Variants in SMYD3 observed in about 807,000 individuals in gnomAD.
SMYD3 encodes the protein histone-lysine N-methyltransferase SMYD3.
SMYD3 carries 36 observed loss-of-function variants against 57.7 expected under a neutral mutation model. The observed-to-expected ratio is 0.62, with a 90% CI of 0.48 to 0.82. The LOEUF (loss-of-function observed/expected upper bound fraction) is 0.82. SMYD3 is among the 40% of genes least tolerant of loss of function. The pLI is 0.00. For missense variants in SMYD3, 515 were observed against 538.8 expected (o/e 0.96, Z 0.44); for synonymous variants, 211 against 195.0 (o/e 1.08, Z -0.68).
intron 2 of SMYD3, among the ~76,000 whole-genome samples, chr1:246,338,073 A>T (rs187191405): frequency 6.6e-6 from 1 of 152,370 alleles, no homozygotes; most frequent in Admixed American, 6.5e-5. Flanking sequence ...TTCAGCAAAA[A>T]TATGTTCATT....
chr1:245,863,931 G>A (rs1415154084), intron 8 of SMYD3, 45 bp from the exon 9 acceptor site: 1 of 1,566,674 alleles, frequency 6.4e-7, no homozygotes, highest in Non-Finnish European at 8.8e-7. Context: ...ATTAGTAATA[G>A]GCAAAGGACG....
chr1:245,901,723 G>C (rs1428585596), intron 8 of SMYD3, among the ~76,000 whole-genome samples: 1 of 152,192 alleles, frequency 6.6e-6, no homozygotes, highest in African/African-American at 2.4e-5. Context: ...ATGGAATTCA[G>C]CACAAAAGGG....
chr1:246,425,421 C>T lies in SMYD3; in HGVS notation c.165-70327G>A, dbSNP rs189454876. Among the ~76,000 whole-genome samples, 140 of 152,260 alleles carry T rather than the reference C, an allele frequency of 9.2e-4. 1 individual carries two copies. The highest frequency in any genetic ancestry group is 3.1e-3 in the African/African-American group (130 of 41,552). On this transcript the variant is annotated intron_variant, in intron 1 of 11. Transcript: ENST00000490107. ...ATCTCCACAGCACAGATCCTTGGAACGCCACTGTAACATAAGCTCAGCACT... is the reference window on the plus strand; with the variant it reads ...ATCTCCACAGCACAGATCCTTGGAATGCCACTGTAACATAAGCTCAGCACT...
chr1:246,145,052 T>C (rs2061822093), intron 5 of SMYD3, among the ~76,000 whole-genome samples: 1 of 152,180 alleles, frequency 6.6e-6, no homozygotes, highest in Non-Finnish European at 1.5e-5. Flanking sequence ...TCTCACTGTG[T>C]TGCTCAGGCT....
intron 5 of SMYD3, among the ~76,000 whole-genome samples, chr1:246,066,668 C>G (rs1354036710): frequency 6.6e-6 from 1 of 152,152 alleles, no homozygotes; most frequent in Non-Finnish European, 1.5e-5. Context: ...TTTTAAAATC[C>G]TTGCTAATTG....
intron 1 of SMYD3, among the ~76,000 whole-genome samples, chr1:246,369,834 A>G (rs1398878365): frequency 1.3e-5 from 2 of 152,144 alleles, no homozygotes; most frequent in African/African-American, 4.8e-5. Context: ...CACTGCACCC[A>G]GCCTGGGATT....
intron 5 of SMYD3, among the ~76,000 whole-genome samples, chr1:246,105,572 T>C (rs888621243): frequency 1.3e-5 from 2 of 152,164 alleles, no homozygotes; most frequent in Admixed American, 6.5e-5. Context: ...CTGAAATGTC[T>C]ACAATTTGGA....
At chr1:246,378,815 A>C (rs1336066256) in intron 1 of SMYD3, among the ~76,000 whole-genome samples, 34 of 115,380 alleles carry the variant, frequency 2.9e-4, no homozygotes, top group Non-Finnish European at 3.2e-4. Flanking sequence ...ATTATATATA[A>C]TATATTTATA....
chr1:245,920,610 T>G (rs1239845137), intron 7 of SMYD3, among the ~76,000 whole-genome samples: 2 of 152,160 alleles, frequency 1.3e-5, no homozygotes, highest in Non-Finnish European at 2.9e-5. Flanking sequence ...CTACCACTGT[T>G]ATCTCTTCCC....
At chr1:245,855,998 C>T (rs2051219993) in intron 10 of SMYD3, among the ~76,000 whole-genome samples, 1 of 152,238 alleles carries the variant, frequency 6.6e-6, no homozygotes, top group African/African-American at 2.4e-5. Context: ...GCAAAAGGCC[C>T]ACCTCCTGCG....
intron 5 of SMYD3, among the ~76,000 whole-genome samples, chr1:246,185,490 T>C (rs1308876480): frequency 7.7e-6 from 1 of 130,550 alleles, no homozygotes; most frequent in Non-Finnish European, 1.6e-5. Context: ...AGTTTTGCTC[T>C]GTCGCCCAGG....
chr1:246,251,312 A>G (rs2063794095), intron 5 of SMYD3, among the ~76,000 whole-genome samples: 1 of 152,252 alleles, frequency 6.6e-6, no homozygotes, highest in Non-Finnish European at 1.5e-5. Context: ...TGGAATATTC[A>G]CAGGTAAGCT....
chr1:245,991,332 A>T (rs1456815369), intron 5 of SMYD3, among the ~76,000 whole-genome samples: 1 of 152,220 alleles, frequency 6.6e-6, no homozygotes, highest in East Asian at 1.9e-4. Context: ...GCCACAGCTT[A>T]AAAGTTATGT....
chr1:245,828,737 T>C (rs1022912490), intron 10 of SMYD3, among the ~76,000 whole-genome samples: 1 of 150,936 alleles, frequency 6.6e-6, no homozygotes, highest in Non-Finnish European at 1.5e-5. Flanking sequence ...CAGGGTCTCA[T>C]GTCGCCCAGG....
chr1:245,876,456 A>T (rs2148532703), intron 8 of SMYD3, among the ~76,000 whole-genome samples: 1 of 152,314 alleles, frequency 6.6e-6, no homozygotes, highest in South Asian at 2.1e-4. Context: ...CATTGCTCCG[A>T]ATCTCTGCGA....
At chr1:246,138,640 T>C (rs1404518516) in intron 5 of SMYD3, among the ~76,000 whole-genome samples, 1 of 147,536 alleles carries the variant, frequency 6.8e-6, no homozygotes, top group Non-Finnish European at 1.5e-5. Flanking sequence ...TTAGCCAGGA[T>C]GGTCTCGATC....
chr1:245,840,167 C>G (rs1211246133), intron 10 of SMYD3, among the ~76,000 whole-genome samples: 4 of 151,840 alleles, frequency 2.6e-5, no homozygotes, highest in African/African-American at 4.8e-5. Context: ...AAACTTTTCC[C>G]AGAGCTAAAG....
At chr1:246,446,784 C>T (rs1287314103) in intron 1 of SMYD3, among the ~76,000 whole-genome samples, 2 of 152,208 alleles carry the variant, frequency 1.3e-5, no homozygotes, top group East Asian at 3.9e-4. Flanking sequence ...AATCCCAGCA[C>T]TTTGGGAGGC....
intron 5 of SMYD3, among the ~76,000 whole-genome samples, chr1:246,003,731 AAATTT>A (rs1340120803): frequency 6.6e-6 from 1 of 152,248 alleles, no homozygotes; most frequent in African/African-American, 2.4e-5. Context: ...ATGAAGCATT[AAATTT>A]ATTATAATAT....
Sources: gnomAD v4.1 joint callset for allele counts (sites outside exome capture counted in the v4.1 genomes callset) on GRCh38, gnomAD v4.1.1 for gene constraint, MANE v1.5 for transcripts, NCBI Gene and HGNC (gene_info 2026-07-23, HGNC 2026-07-21) for gene names.